SDK2: variants seen among roughly 807,000 people sequenced by gnomAD.
SDK2 encodes the protein protein sidekick-2.
Under a neutral mutation model 253.9 loss-of-function variants are expected in SDK2, and 105 were observed. That is an observed-to-expected ratio of 0.41 (90% CI 0.35 to 0.49). The LOEUF is 0.49. Ranked by LOEUF, SDK2 falls within the 20% of genes least tolerant of loss-of-function variation. The probability of loss-of-function intolerance (pLI) is 0.06; values close to 1 mark genes in which losing one functional copy is unlikely to be tolerated. For missense variants in SDK2, 2,608 were observed against 3,003.0 expected (o/e 0.87, Z 3.07); for synonymous variants, 1,249 against 1,234.9 (o/e 1.01, Z -0.24).
intron 1 of SDK2, among the ~76,000 whole-genome samples, chr17:73,593,756 T>TATTAAATAACACAGGGGCC (rs1446173145): frequency 2.6e-5 from 4 of 152,190 alleles, no homozygotes; most frequent in Non-Finnish European, 5.9e-5. Context: ...TGAAAGTGGC[T>TATTAAATAACACAGGGGCC]ATTAAATAAC....
intron 3 of SDK2, among the ~76,000 whole-genome samples, chr17:73,456,668 T>C (rs75713579): frequency 0.015 from 2,295 of 152,298 alleles, 47 homozygotes; most frequent in African/African-American, 0.049. Flanking sequence ...TGAACATAAA[T>C]ACCATATTGC....
chr17:73,464,096 C>G (rs2063581929), intron 3 of SDK2, among the ~76,000 whole-genome samples: 1 of 152,216 alleles, frequency 6.6e-6, no homozygotes, highest in African/African-American at 2.4e-5. Context: ...AACAAAGCTG[C>G]TCACTTCAGA....
chr17:73,587,407 G>A (rs556791112), intron 1 of SDK2, among the ~76,000 whole-genome samples: 1 of 152,328 alleles, frequency 6.6e-6, no homozygotes, highest in East Asian at 1.9e-4. Flanking sequence ...AATACCAACT[G>A]GGGCGCCCTC....
At position 73,424,022 on chromosome 17, in the gene SDK2, C is replaced by T. The variant is rs370432901; in HGVS notation, c.1654G>A (p.Gly552Ser). The change falls in exon 13 of 45, where the codon GGC (glycine) becomes AGC (serine). Residue 552 changes from glycine (G) to serine (S), a missense_variant. By Grantham distance (56) the Gly-to-Ser change is moderately conservative (BLOSUM62 0). Coordinates refer to ENST00000392650, the MANE Select transcript of SDK2 (RefSeq NM_001144952.2). The part of the protein sequence containing the change: ...SHPRIRLDRN[G>S]SLHISQTWSG... Reference sequence around the variant, plus strand: ...CACGTCTGTGAGATGTGCAGGGAGCCGTTTCTGTCCAGGCGGATACGAGGA... The same window carrying T: ...CACGTCTGTGAGATGTGCAGGGAGCTGTTTCTGTCCAGGCGGATACGAGGA... 38 of 1,612,362 alleles carry T rather than the reference C, an allele frequency of 2.4e-5. No individual in the cohort carries two copies. The highest frequency in any genetic ancestry group is 1.3e-4 in the Admixed American group (8 of 59,860).
At position 73,643,604 on chromosome 17, in the gene SDK2, G is replaced by T. The variant is rs1261357845; in HGVS notation, c.64+421C>A. ...GGGGAGGCCATCGCCTGCCCGGCAGGGGCCCTGCCCTTCCCCGCAGACACC... is the reference window on the plus strand; with the variant it reads ...GGGGAGGCCATCGCCTGCCCGGCAGTGGCCCTGCCCTTCCCCGCAGACACC... On this transcript the variant is annotated intron_variant, in intron 1 of 44. Coordinates refer to ENST00000392650, the MANE Select transcript of SDK2 (RefSeq NM_001144952.2). The surrounding 1 kb of genome is among the most constrained non-coding windows in gnomAD (Gnocchi z 6.9). Among the ~76,000 whole-genome samples, 1 of 152,076 alleles carries T rather than the reference G, an allele frequency of 6.6e-6. No homozygotes were observed. Among genetic ancestry groups the T allele is most frequent in the Non-Finnish European group, 1.5e-5 (1 of 67,972 alleles).
rs2063839622 is a variant in SDK2 at position 73,496,052 on chromosome 17, A to C, written c.224+11386T>G. On this transcript the variant is annotated intron_variant, in intron 2 of 44. Coordinates refer to ENST00000392650, the MANE Select transcript of SDK2 (RefSeq NM_001144952.2). This position sits in a 1 kb window ranked among gnomAD's most constrained non-coding sequence, Gnocchi z 4.7. ...AGATAGGATCTAGCCTCATTGAGGA[A>C]AAGGAACCTGGACTTCCCGGGAGGG... Among the ~76,000 whole-genome samples, 1 of 152,166 alleles carries C rather than the reference A, an allele frequency of 6.6e-6. No individual in the cohort carries two copies. Among genetic ancestry groups the C allele is most frequent in the South Asian group, 2.1e-4 (1 of 4,828 alleles).
chr17:73,457,952 G>C (rs2145667153), intron 3 of SDK2, among the ~76,000 whole-genome samples: 1 of 152,066 alleles, frequency 6.6e-6, no homozygotes, highest in East Asian at 1.9e-4. Context: ...GAATCTTTTG[G>C]GGTGTGTGGG....
At chr17:73,554,009 C>G (rs901023252) in intron 1 of SDK2, among the ~76,000 whole-genome samples, 25 of 152,116 alleles carry the variant, frequency 1.6e-4, no homozygotes, top group Admixed American at 1.6e-3. Context: ...GAGCTGGGGC[C>G]CTGAGGCTCA....
At chr17:73,552,105 G>A (rs8076000) in intron 1 of SDK2, among the ~76,000 whole-genome samples, 1,801 of 151,756 alleles carry the variant, frequency 0.012, 41 homozygotes, top group African/African-American at 0.042. Flanking sequence ...CCCCCTGTCT[G>A]GGGCCCAGCT....
At chr17:73,545,126 C>CACACACACACACACACACACACACACAA (rs1555601179) in intron 1 of SDK2, among the ~76,000 whole-genome samples, 1 of 151,134 alleles carries the variant, frequency 6.6e-6, no homozygotes, top group African/African-American at 2.5e-5. Flanking sequence ...CACACACACA[C>CACACACACACACACACACACACACACAA]AAAGTGGAGG....
intron 1 of SDK2, among the ~76,000 whole-genome samples, chr17:73,596,949 G>T (rs2045767905): frequency 6.6e-6 from 1 of 152,180 alleles, no homozygotes; most frequent in African/African-American, 2.4e-5. Context: ...CAGAACCCCG[G>T]CCATTTCCAT....
chr17:73,573,351 C>T (rs1567850610), intron 1 of SDK2, among the ~76,000 whole-genome samples: 1 of 152,254 alleles, frequency 6.6e-6, no homozygotes, highest in East Asian at 1.9e-4. Context: ...AGCTTCCTGC[C>T]TCACTGCTGC....
intron 12 of SDK2, among the ~76,000 whole-genome samples, chr17:73,426,655 A>G (rs947915155): frequency 6.6e-6 from 1 of 152,182 alleles, no homozygotes; most frequent in Admixed American, 6.5e-5. Context: ...AAGTCTTTTA[A>G]TACCTATTTA....
chr17:73,381,643 A>T (rs1409469672), intron 33 of SDK2, among the ~76,000 whole-genome samples: 4 of 148,940 alleles, frequency 2.7e-5, no homozygotes, highest in Non-Finnish European at 4.5e-5. Flanking sequence ...CACTTTGGGA[A>T]GCCAAGGTGG....
At chr17:73,519,865 A>C (rs2064062321) in intron 1 of SDK2, 1 of 152,194 alleles carries the variant, frequency 6.6e-6, no homozygotes, top group Non-Finnish European at 1.5e-5. Flanking sequence ...GCTGAGGAAG[A>C]ACACACATTC....
rs1039008627 is a variant in SDK2 at position 73,337,442 on chromosome 17, G to C, written c.*1145C>G. On this transcript the variant is annotated 3_prime_UTR_variant, in exon 45 of 45. Transcript: ENST00000392650. ...GTGAGTGTGCTGTCTGGCTAGGAGG[G>C]CCCAGATGAGTTTGTTCTGGAGAGG... 6.6e-6 allele frequency: 1 copy of C among 152,106 alleles called. No individual in the cohort carries two copies. Among genetic ancestry groups the C allele is most frequent in the Non-Finnish European group, 1.5e-5 (1 of 68,154 alleles). 9.4% of individuals were successfully genotyped at this position (152,106 alleles called of 1,614,324 possible). A position where few individuals can be genotyped will look rare whatever the true frequency, so the allele number is the denominator to read the frequency against.
intron 2 of SDK2, among the ~76,000 whole-genome samples, chr17:73,497,717 C>G (rs1417989726): frequency 1.3e-5 from 2 of 152,056 alleles, no homozygotes; most frequent in African/African-American, 2.4e-5. Context: ...CCTCTCTGCT[C>G]TCTTCCACCC....
chr17:73,391,643 C>A, intron 27 of SDK2, 105 bp from the exon 28 acceptor site: 1 of 462,512 alleles, frequency 2.2e-6, no homozygotes, highest in Non-Finnish European at 3.7e-6. Context: ...GGGAAGGGGC[C>A]GCCCAGCTCA....
intron 5 of SDK2, among the ~76,000 whole-genome samples, chr17:73,442,269 T>C (rs1276832354): frequency 6.6e-6 from 1 of 151,904 alleles, no homozygotes; most frequent in Non-Finnish European, 1.5e-5. Flanking sequence ...GCCTCCAGGA[T>C]GGTGGGAGCC....
Sources: gnomAD v4.1 joint callset for allele counts (sites outside exome capture counted in the v4.1 genomes callset) on GRCh38, gnomAD v4.1.1 for gene constraint, Gnocchi (gnomAD v3.1) non-coding constraint, MANE v1.5 for transcripts, NCBI Gene and HGNC (gene_info 2026-07-23, HGNC 2026-07-21) for gene names.